RTTN: variants seen among roughly 807,000 people sequenced by gnomAD.
RTTN encodes rotatin.
A neutral mutation model predicts 269.2 loss-of-function variants in RTTN; 182 were observed. The observed-to-expected ratio is 0.68, with a 90% CI of 0.60 to 0.76. The LOEUF is 0.76. RTTN is among the 30% of genes least tolerant of loss of function. RTTN has a pLI of 0.00. For missense variants in RTTN, 2,545 were observed against 2,608.6 expected, an observed-to-expected ratio of 0.98 and a Z score of 0.53; for synonymous variants, 1,006 against 963.5, an observed-to-expected ratio of 1.04 and a Z score of -0.82.
chr18:70,088,201 G>T (rs1251735030), intron 30 of RTTN, 54 bp from the exon 31 acceptor site: 2 of 1,491,140 alleles, frequency 1.3e-6, no homozygotes, highest in East Asian at 2.3e-5. Context: ...TTCCTAACAT[G>T]AATTCTTAGT....
intron 12 of RTTN, among the ~76,000 whole-genome samples, chr18:70,167,409 T>C (rs949748611): frequency 6.6e-6 from 1 of 152,152 alleles, no homozygotes; most frequent in Non-Finnish European, 1.5e-5. Flanking sequence ...ACACAGGACA[T>C]TGAACACATG....
At chr18:70,205,541 GC>G in intron 1 of RTTN, 86 bp downstream of exon 1, 1 of 1,558,746 alleles carries the variant, frequency 6.4e-7, no homozygotes, top group East Asian at 2.2e-5. Context: ...TCGCGGAGCG[GC>G]CGGCCGCGGA....
chr18:70,188,063 A>T (rs923622341), intron 10 of RTTN, 45 bp downstream of exon 10: 1 of 1,182,978 alleles, frequency 8.5e-7, no homozygotes, highest in African/African-American at 1.5e-5. Context: ...CCAAAATCTT[A>T]AAAAATACTA....
At chr18:70,061,297 T>C (rs2057977346) in intron 35 of RTTN, 2 of 455,342 alleles carry the variant, frequency 4.4e-6, no homozygotes, top group Non-Finnish European at 8.8e-6. Flanking sequence ...CATTAACCTT[T>C]GAGCATTCCC....
rs770405149 is a variant in RTTN at position 70,088,092 on chromosome 18, C to T, written c.4199G>A (p.Cys1400Tyr). Residue 1400 changes from cysteine to tyrosine, a missense_variant, in exon 31 of 49, where the codon TGT (cysteine) becomes TAT (tyrosine). Coordinates refer to ENST00000640769, the MANE Select transcript of RTTN (RefSeq NM_173630.4). Reference protein sequence around the residue: ...GSALTTLETGCVALANSCQNI... With the variant: ...GSALTTLETGYVALANSCQNI... ...CTGACAACTGTTTGCTAAGGCCACA[C>T]AGCCCGTTTCAAGGGTGGTCAGTGC... 2 of 1,613,978 alleles carry T rather than the reference C, an allele frequency of 1.2e-6. No individual in the cohort carries two copies. The highest frequency in any genetic ancestry group is 1.7e-6 in the Non-Finnish European group (2 of 1,179,912).
Position 70,145,621 on chromosome 18 carries a change from C to T in RTTN, c.2472G>A (p.Leu824=). Residue 824 remains leucine, a synonymous_variant, in exon 18 of 49, where the codon CTG becomes CTA. Coordinates refer to ENST00000640769, the MANE Select transcript of RTTN (RefSeq NM_173630.4). ...CAAAATTTATAGTCACCTTAATAAC[C>T]AGCTCTCTTCTGTCATCCAGTCTGA... ...IELRLDDRRE[L]VIKLETVEKV... 6.3e-7 allele frequency: 1 copy of T among 1,596,540 alleles called. No individual in the cohort carries two copies. The highest frequency in any genetic ancestry group is 8.5e-7 in the Non-Finnish European group (1 of 1,174,278).
Position 70,087,991 on chromosome 18 carries a change from C to G in RTTN, c.4300G>C (p.Glu1434Gln), listed in dbSNP as rs1303240873. ...DQSECSMVRR[E>Q]AAFILQNLLV... ...AAAAGGAGAAAAGACAGACATACCT[C>G]CCGGCGCACCATACTACATTCTGAC... Residue 1434 changes from glutamate (E) to glutamine (Q), a missense_variant and splice_region_variant, in exon 31 of 49, where the codon GAG (glutamate) becomes CAG (glutamine). By Grantham distance (29) the Glu-to-Gln change is conservative. Transcript: ENST00000640769. The G allele has an allele frequency of 5.0e-6, 8 of 1,611,996 alleles. No individual in the cohort carries two copies. The highest frequency in any genetic ancestry group is 5.9e-6 in the Non-Finnish European group (7 of 1,179,306).
At chr18:70,072,913 C>T (rs2058334277) in intron 34 of RTTN, among the ~76,000 whole-genome samples, 2 of 152,060 alleles carry the variant, frequency 1.3e-5, no homozygotes, top group African/African-American at 4.8e-5. Context: ...AATTATCTTA[C>T]TTTTCCATAC....
rs527980203 is a variant in RTTN at position 70,204,233 on chromosome 18, C to A, written c.250G>T (p.Val84Phe). ...YPPAVQHLVDVGAVEFLSKLR... is the reference protein window; with the variant it reads ...YPPAVQHLVDFGAVEFLSKLR... ...TTAGATAAGAACTCTACTGCACCAACGTCAACCAAATGTTGGACTGCTGGG... is the reference window on the plus strand; with the variant it reads ...TTAGATAAGAACTCTACTGCACCAAAGTCAACCAAATGTTGGACTGCTGGG... Residue 84 changes from valine to phenylalanine, a missense_variant, in exon 3 of 49, where the codon GTT becomes TTT. Val to Phe is a conservative substitution (Grantham distance 50). Coordinates refer to ENST00000640769, the MANE Select transcript of RTTN (RefSeq NM_173630.4). The A allele has an allele frequency of 6.2e-7, 1 of 1,612,378 alleles. No homozygotes were observed. Among genetic ancestry groups the A allele is most frequent in the Non-Finnish European group, 8.5e-7 (1 of 1,179,598 alleles).
intron 14 of RTTN, among the ~76,000 whole-genome samples, chr18:70,157,454 C>CA (rs1464063154): frequency 6.6e-6 from 1 of 152,108 alleles, no homozygotes; most frequent in Non-Finnish European, 1.5e-5. Flanking sequence ...AATATAAAAG[C>CA]AAAAGGCCCC....
At position 70,178,078 on chromosome 18, in the gene RTTN, T is replaced by C. The variant is rs538799152; in HGVS notation, c.1306-1233A>G. Among the ~76,000 whole-genome samples, 27 of 152,222 alleles carry C rather than the reference T, an allele frequency of 1.8e-4. 1 individual carries two copies. The highest frequency in any genetic ancestry group is 4.6e-4 in the Admixed American group (7 of 15,286). On this transcript the variant is annotated intron_variant, in intron 10 of 48. Transcript: ENST00000640769. ...AATGCAGAAACAAAATGTGGTATGT[T>C]GTATATACATGCAAGAAAAGGAGGC...
At chr18:70,179,927 T>G (rs1254598728) in intron 10 of RTTN, among the ~76,000 whole-genome samples, 2 of 152,092 alleles carry the variant, frequency 1.3e-5, no homozygotes, top group Non-Finnish European at 2.9e-5. Context: ...GCAGGACTAC[T>G]CAGCATCATG....
chr18:70,168,948 C>CA lies in RTTN; in HGVS notation c.1595dup (p.Asn533GlufsTer3). On this transcript the variant is annotated frameshift_variant, in exon 12 of 49. Coordinates refer to ENST00000640769, the MANE Select transcript of RTTN (RefSeq NM_173630.4). LOFTEE classifies it high-confidence loss of function. ...TATAAATACTGTAGTTTTCAGAATT[C>CA]AGCTGTTCCAAATAGGCCACAACAG... is the stretch of plus-strand genomic sequence containing the variant. The CA allele has an allele frequency of 6.2e-7, 1 of 1,613,338 alleles. No individual in the cohort carries two copies. Among genetic ancestry groups the CA allele is most frequent in the Non-Finnish European group, 8.5e-7 (1 of 1,179,742 alleles).
At chr18:70,126,911 T>C (rs1022825310) in intron 25 of RTTN, among the ~76,000 whole-genome samples, 2 of 152,196 alleles carry the variant, frequency 1.3e-5, no homozygotes, top group African/African-American at 4.8e-5. Context: ...ATACATTTTA[T>C]ACTAAAGTCA....
At position 70,042,656 on chromosome 18, in the gene RTTN, A is replaced by G. The variant is rs75572232; in HGVS notation, c.5541+5315T>C. On this transcript the variant is annotated intron_variant, in intron 40 of 48. Transcript: ENST00000640769. The stretch of plus-strand genomic sequence containing the variant: ...CTCCCAACGTGCTGGGATTACAGGC[A>G]TGAGCACCGCGCCCAGCCAAGGCTT... Among the ~76,000 whole-genome samples, 1,283 of 152,266 alleles carry G rather than the reference A, an allele frequency of 8.4e-3. 25 individuals carry two copies. The highest frequency in any genetic ancestry group is 0.028 in the African/African-American group (1,146 of 41,546).
chr18:70,077,227 AT>A (rs2145091419), intron 32 of RTTN, among the ~76,000 whole-genome samples: 2 of 152,108 alleles, frequency 1.3e-5, no homozygotes, highest in South Asian at 4.1e-4. Context: ...TGCCATACAG[AT>A]TATATAAAAT....
At chr18:70,038,024 T>C (rs2057228520) in intron 40 of RTTN, among the ~76,000 whole-genome samples, 1 of 152,070 alleles carries the variant, frequency 6.6e-6, no homozygotes, top group African/African-American at 2.4e-5. Flanking sequence ...AGTCTCCTTT[T>C]CCTGTGGAAA....
intron 15 of RTTN, 38 bp from the exon 16 acceptor site, chr18:70,150,125 A>G (rs763606707): frequency 3.7e-6 from 5 of 1,343,794 alleles, no homozygotes; most frequent in Non-Finnish European, 5.3e-6. Context: ...CAGTCAAATG[A>G]GATGTCCCGC....
intron 9 of RTTN, among the ~76,000 whole-genome samples, chr18:70,189,940 C>T (rs1320759724): frequency 6.6e-6 from 1 of 152,122 alleles, no homozygotes; most frequent in African/African-American, 2.4e-5. Flanking sequence ...CCTAGTACAT[C>T]TGAACAAAAA....
Sources: gnomAD v4.1 joint callset for allele counts (sites outside exome capture counted in the v4.1 genomes callset) on GRCh38, gnomAD v4.1.1 for gene constraint, MANE v1.5 for transcripts, NCBI Gene and HGNC (gene_info 2026-07-23, HGNC 2026-07-21) for gene names.